Variants in NYAP2 observed in about 807,000 individuals in gnomAD.
NYAP2 encodes neuronal tyrosine-phosphorylated phosphoinositide-3-kinase adapter 2.
A neutral mutation model predicts 50.4 loss-of-function variants in NYAP2; 23 were observed. The observed-to-expected ratio is 0.46, with a 90% confidence interval of 0.33 to 0.65. NYAP2 has a LOEUF of 0.65. NYAP2 is among the 30% of genes least tolerant of loss of function. The probability of loss-of-function intolerance (pLI) is 0.02; values close to 1 mark genes in which losing one functional copy is unlikely to be tolerated. For missense variants in NYAP2, 885 were observed against 861.0 expected (o/e 1.03, Z -0.35); for synonymous variants, 394 against 365.2 (o/e 1.08, Z -0.90).
At chr2:225,652,289 T>A (rs1693745696) in exon 7 of NYAP2, 1 of 152,182 alleles carries the variant, frequency 6.6e-6, no homozygotes, top group Non-Finnish European at 1.5e-5. Context: ...GAATGACTTT[T>A]CTCTCTTATA....
intron 4 of NYAP2, among the ~76,000 whole-genome samples, chr2:225,551,217 A>G (rs940990790): frequency 6.6e-6 from 1 of 152,204 alleles, no homozygotes; most frequent in African/African-American, 2.4e-5. Flanking sequence ...AGTCTCTTCC[A>G]CGTCCACTCT....
chr2:225,539,088 A>T (rs1265704057), intron 4 of NYAP2, among the ~76,000 whole-genome samples: 1 of 152,040 alleles, frequency 6.6e-6, no homozygotes, highest in African/African-American at 2.4e-5. Flanking sequence ...GAGTGAGAAC[A>T]TGTGGTGTTT....
At chr2:225,506,714 A>C (rs1690713549) in intron 3 of NYAP2, among the ~76,000 whole-genome samples, 1 of 152,222 alleles carries the variant, frequency 6.6e-6, no homozygotes, top group African/African-American at 2.4e-5. Context: ...TGTAAATATT[A>C]GTTTCTTTCT....
At chr2:225,422,404 A>C (rs1264129893) in intron 3 of NYAP2, among the ~76,000 whole-genome samples, 1 of 152,184 alleles carries the variant, frequency 6.6e-6, no homozygotes, top group Non-Finnish European at 1.5e-5. Context: ...CAAATCACAA[A>C]TACCAATAAT....
At chr2:225,461,474 C>T (rs867088137) in intron 3 of NYAP2, among the ~76,000 whole-genome samples, 6 of 152,192 alleles carry the variant, frequency 3.9e-5, no homozygotes, top group Middle Eastern at 3.2e-3. Flanking sequence ...CTGGAATATG[C>T]TTCTGGTAGT....
intron 4 of NYAP2, among the ~76,000 whole-genome samples, chr2:225,527,613 C>T (rs1180706433): frequency 1.3e-5 from 2 of 152,106 alleles, no homozygotes. Context: ...AAGAGTTCAC[C>T]TGATTAACAC....
At chr2:225,489,175 TTTTC>T (rs1023321199) in intron 3 of NYAP2, among the ~76,000 whole-genome samples, 13 of 151,688 alleles carry the variant, frequency 8.6e-5, no homozygotes, top group African/African-American at 2.7e-4. Flanking sequence ...TTTTTCCCCT[TTTTC>T]TTTCTTTCTT....
At chr2:225,689,949 T>C in the NYAP2 span, among the ~76,000 whole-genome samples, 32 of 152,140 alleles carry the variant, frequency 2.1e-4, no homozygotes, top group Non-Finnish European at 3.2e-4. Flanking sequence ...ATTGAAAGCC[T>C]AAAATCAAAT....
chr2:225,670,978 G>A, the NYAP2 span, among the ~76,000 whole-genome samples: 1 of 152,054 alleles, frequency 6.6e-6, no homozygotes, highest in African/African-American at 2.4e-5. Context: ...GATCATCTGA[G>A]CCTGCATCAA....
At chr2:225,443,095 C>T (rs1345339131) in intron 3 of NYAP2, among the ~76,000 whole-genome samples, 2 of 152,292 alleles carry the variant, frequency 1.3e-5, no homozygotes, top group African/African-American at 4.8e-5. Context: ...TAATTACCTT[C>T]CACTGGGTGC....
At chr2:225,468,327 G>C (rs919608323) in intron 3 of NYAP2, among the ~76,000 whole-genome samples, 1 of 152,154 alleles carries the variant, frequency 6.6e-6, no homozygotes, top group African/African-American at 2.4e-5. Context: ...GATAAGCCCA[G>C]GAATGCCAAG....
the NYAP2 span, among the ~76,000 whole-genome samples, chr2:225,676,039 G>T: frequency 7.2e-5 from 11 of 152,006 alleles, no homozygotes; most frequent in Admixed American, 7.2e-4. Context: ...GTTCCTTGTA[G>T]ATTCTGGATA....
At chr2:225,663,545 A>G in the NYAP2 span, among the ~76,000 whole-genome samples, 8 of 151,526 alleles carry the variant, frequency 5.3e-5, no homozygotes, top group African/African-American at 1.9e-4. Context: ...CACCCACCAC[A>G]GTTCTTTCTC....
chr2:225,676,847 C>A, the NYAP2 span, among the ~76,000 whole-genome samples: 7 of 152,270 alleles, frequency 4.6e-5, no homozygotes, highest in South Asian at 1.2e-3. Context: ...CAATGTGATA[C>A]CTCTAGCGTT....
the NYAP2 span, among the ~76,000 whole-genome samples, chr2:225,671,296 T>C: frequency 9.2e-5 from 14 of 152,192 alleles, no homozygotes; most frequent in Middle Eastern, 3.2e-3. Flanking sequence ...ACTAAGCTTA[T>C]GTGATATTCT....
intron 3 of NYAP2, among the ~76,000 whole-genome samples, chr2:225,497,420 G>T (rs1206645067): frequency 6.6e-6 from 1 of 152,170 alleles, no homozygotes; most frequent in East Asian, 1.9e-4. Flanking sequence ...ATGAATGAGG[G>T]CTGGAAGCTG....
the NYAP2 span, among the ~76,000 whole-genome samples, chr2:225,682,605 T>G: frequency 6.6e-6 from 1 of 152,218 alleles, no homozygotes; most frequent in South Asian, 2.1e-4. Flanking sequence ...TTACGGTTTT[T>G]ATGAAAGCAT....
intron 5 of NYAP2, among the ~76,000 whole-genome samples, chr2:225,606,177 G>A (rs1160845430): frequency 1.6e-4 from 24 of 152,056 alleles, no homozygotes; most frequent in Admixed American, 1.6e-3. Flanking sequence ...GTTAATTAGG[G>A]CTAAGTATGA....
rs188840673 is a variant in NYAP2, at chr2:225,508,706, C to T, written c.222-4665C>T. 3.3e-5 allele frequency among the ~76,000 whole-genome samples: 5 copies of T among 152,318 alleles called. No individual in the cohort carries two copies. In the East Asian group the frequency reaches 7.7e-4, roughly 23 times the overall value. ...GTCTTGACCAGTGCAACAGGGAAAG[C>T]CAGCCATAAAGGTTGCCTGAATCTG... On this transcript the variant is annotated intron_variant, in intron 3 of 6. Coordinates refer to ENST00000636099, the Ensembl canonical transcript of NYAP2.
Sources: allele counts gnomAD v4.1 joint callset (sites outside exome capture counted in the v4.1 genomes callset), GRCh38; gene constraint gnomAD v4.1.1; transcripts MANE v1.5; gene names NCBI Gene and HGNC (gene_info 2026-07-23, HGNC 2026-07-21).